ABL1: variants seen among roughly 807,000 people sequenced by gnomAD.
ABL1 encodes the protein ABL proto-oncogene 1, non-receptor tyrosine kinase, also known as tyrosine-protein kinase ABL1.
Under a neutral mutation model 94.7 loss-of-function variants are expected in ABL1, and 11 were observed. The observed-to-expected ratio is 0.12, with a 90% CI of 0.07 to 0.19. The LOEUF (loss-of-function observed/expected upper bound fraction) is 0.19, where lower values mean the gene tolerates loss of function less well. Among genes scored for constraint, ABL1 ranks in the 10% least tolerant of loss-of-function variants. ABL1 has a pLI of 1.00. For synonymous variants in ABL1, 656 were observed against 622.4 expected, an observed-to-expected ratio of 1.05 and a Z score of -0.80; for missense variants, 1,082 against 1,489.4, an observed-to-expected ratio of 0.73 and a Z score of 4.50.
At chr9:130,718,657 G>A (rs756424800) in intron 1 of ABL1, among the ~76,000 whole-genome samples, 16 of 152,120 alleles carry the variant, frequency 1.1e-4, no homozygotes, top group Non-Finnish European at 2.2e-4. Context: ...AAGGCAGGTG[G>A]ATTGCTTGAG....
intron 1 of ABL1, among the ~76,000 whole-genome samples, chr9:130,738,942 G>A (rs1465662134): frequency 6.6e-6 from 1 of 152,174 alleles, no homozygotes; most frequent in Non-Finnish European, 1.5e-5. Flanking sequence ...GAGTGCAGTG[G>A]TGCGATCTCG....
intron 1 of ABL1, among the ~76,000 whole-genome samples, chr9:130,852,073 C>T (rs886815721): frequency 7.2e-5 from 11 of 151,982 alleles, no homozygotes; most frequent in African/African-American, 1.5e-4. Flanking sequence ...GCCTCCACGC[C>T]GGGCCTCTCT....
At chr9:130,767,954 G>GA (rs113976748) in intron 1 of ABL1, among the ~76,000 whole-genome samples, 11,542 of 152,090 alleles carry the variant, frequency 0.076, 690 homozygotes, top group African/African-American at 0.17. Flanking sequence ...AAATTGCGAG[G>GA]AAAAAAATGA....
At chr9:130,841,578 G>A (rs1398906890) in intron 1 of ABL1, among the ~76,000 whole-genome samples, 3 of 151,786 alleles carry the variant, frequency 2.0e-5, no homozygotes, top group African/African-American at 4.8e-5. Flanking sequence ...TTGGGAGGCC[G>A]AGGCAGGTGG....
At chr9:130,878,034 C>T (rs1467546752) in intron 7 of ABL1, among the ~76,000 whole-genome samples, 1 of 151,998 alleles carries the variant, frequency 6.6e-6, no homozygotes. Context: ...AGGATGGTCT[C>T]AATCTCCTGA....
At position 130,873,049 on chromosome 9, in the gene ABL1, G is replaced by A. The variant is rs1160292119; in HGVS notation, c.1085+12G>A. ...AACTTCATCCACAGGTAGGGGCCTG[G>A]CCAGGCAGCCTGCGCCATGGAGTCA... On this transcript the variant is annotated intron_variant, in intron 6 of 10. Transcript: ENST00000318560. 1.2e-6 allele frequency: 2 copies of A among 1,610,256 alleles called. No homozygotes were observed. Among genetic ancestry groups the A allele is most frequent in the Non-Finnish European group, 8.5e-7 (1 of 1,177,720 alleles).
intron 4 of ABL1, among the ~76,000 whole-genome samples, chr9:130,866,463 TC>T (rs2132980319): frequency 6.6e-6 from 1 of 152,214 alleles, no homozygotes; most frequent in South Asian, 2.1e-4. Flanking sequence ...CAAGCGTCCT[TC>T]CCTCAGCCGA....
intron 7 of ABL1, among the ~76,000 whole-genome samples, chr9:130,877,838 G>T (rs74355066): frequency 2.5e-5 from 3 of 120,820 alleles, no homozygotes; most frequent in African/African-American, 1.1e-4. Context: ...ATGGAGTCTC[G>T]CTCTGTCACC....
At position 130,835,606 on chromosome 9, in the gene ABL1, C is replaced by A; in HGVS notation, c.79+81C>A. On this transcript the variant is annotated intron_variant, in intron 1 of 10. Transcript: ENST00000318560. This position sits in a 1 kb window ranked among gnomAD's most constrained non-coding sequence, Gnocchi z 4.6. ...TGGGCCCTTCCTAGGCCTCGCCGCC[C>A]GCGCGCTCCCGCCTGCGCCCTCCCC... 1 of 1,178,908 alleles carries A rather than the reference C, an allele frequency of 8.5e-7. No homozygotes were observed. The highest frequency in any genetic ancestry group is 1.2e-6 in the Non-Finnish European group (1 of 821,854). 73.0% of individuals were successfully genotyped at this position (1,178,908 alleles called of 1,614,324 possible).
chr9:130,826,994 C>T (rs1025840007), intron 1 of ABL1, among the ~76,000 whole-genome samples: 4 of 152,098 alleles, frequency 2.6e-5, no homozygotes, highest in Non-Finnish European at 2.9e-5. Context: ...AGGAGAATGG[C>T]GTGAACCCTG....
rs975882929 is a variant in ABL1 at position 130,880,421 on chromosome 9, G to T, written c.1514-79G>T. On this transcript the variant is annotated intron_variant, in intron 9 of 10. Coordinates refer to ENST00000318560, the MANE Select transcript of ABL1 (RefSeq NM_005157.6). The surrounding 1 kb of genome is among the most constrained non-coding windows in gnomAD (Gnocchi z 4.4). ...CAGATGAGCACTGTTACCTTACAAA[G>T]AAAGAGAACCACCACACCAAGCCAA... is the stretch of plus-strand genomic sequence containing the variant. 1.6e-5 allele frequency: 24 copies of T among 1,537,684 alleles called. No individual in the cohort carries two copies. The highest frequency in any genetic ancestry group is 3.5e-4 in the Middle Eastern group (2 of 5,744).
intron 1 of ABL1, among the ~76,000 whole-genome samples, chr9:130,845,820 A>G (rs1830759423): frequency 2.0e-5 from 3 of 151,996 alleles, no homozygotes; most frequent in Admixed American, 2.0e-4. Context: ...TAAATGCACC[A>G]TTGCATTCCA....
intron 1 of ABL1, among the ~76,000 whole-genome samples, chr9:130,747,081 AGGCTGGGCACCCCTGAGGGAGCAT>A (rs1326318786): frequency 5.3e-5 from 8 of 152,120 alleles, no homozygotes; most frequent in African/African-American, 1.9e-4. Flanking sequence ...AGTCTCCCTC[AGGCTGGGCACCCCTGAGGGAGCAT>A]GGCTCATGCC....
chr9:130,801,043 C>T (rs1014776819), intron 1 of ABL1, among the ~76,000 whole-genome samples: 7 of 151,458 alleles, frequency 4.6e-5, no homozygotes, highest in South Asian at 2.1e-4. Context: ...CAATTCTCAG[C>T]GTCAGCCTCC....
In ABL1 at chr9:130,886,690, A is replaced by T. The variant is rs1251085180; in HGVS notation, c.*1007A>T. The T allele has an allele frequency of 4.3e-6, 1 of 233,556 alleles. No individual in the cohort carries two copies. The highest frequency in any genetic ancestry group is 8.5e-6 in the Non-Finnish European group (1 of 118,052). The allele number at this position is 233,556 out of a possible 1,614,324, so 14.5% of individuals were successfully genotyped here. A position where few individuals can be genotyped will look rare whatever the true frequency, so the allele number is the denominator to read the frequency against. On this transcript the variant is annotated 3_prime_UTR_variant, in exon 11 of 11. Coordinates refer to ENST00000318560, the MANE Select transcript of ABL1 (RefSeq NM_005157.6). ...TTCCCCTCCCCCACTCCTCTAAGAC[A>T]AAGTAGATTCTTACAAGGCCCTTTC...
chr9:130,734,757 A>G (rs1317788493), intron 1 of ABL1, among the ~76,000 whole-genome samples: 2 of 150,592 alleles, frequency 1.3e-5, no homozygotes, highest in Admixed American at 1.3e-4. Context: ...CCTGGCCTCA[A>G]GTGATCTACC....
intron 1 of ABL1, among the ~76,000 whole-genome samples, chr9:130,821,356 C>A (rs1830360987): frequency 6.6e-6 from 1 of 152,152 alleles, no homozygotes; most frequent in Non-Finnish European, 1.5e-5. Flanking sequence ...TTTGTCTTTT[C>A]CGTACGTTTC....
At chr9:130,871,198 C>T (rs188512478) in intron 4 of ABL1, among the ~76,000 whole-genome samples, 1 of 152,336 alleles carries the variant, frequency 6.6e-6, no homozygotes. Context: ...TCATTTAACA[C>T]CCACCTGCTT....
chr9:130,765,774 C>T lies in ABL1; in HGVS notation c.136+51319C>T, dbSNP rs575972335. ...CCCTTTGCTGCTTTCTTCTTTATGC[C>T]ACAGATTTAATGCTTGAACACATAT... On this transcript the variant is annotated intron_variant, in intron 1 of 10. Coordinates refer to the ABL1 transcript ENST00000372348. Among the ~76,000 whole-genome samples, 104 of 152,128 alleles carry T rather than the reference C, an allele frequency of 6.8e-4. 2 individuals carry two copies. Among genetic ancestry groups the T allele is most frequent in the Admixed American group, 4.7e-3 (72 of 15,270 alleles).
Sources: gnomAD v4.1 joint callset for allele counts (sites outside exome capture counted in the v4.1 genomes callset) on GRCh38, gnomAD v4.1.1 for gene constraint, Gnocchi (gnomAD v3.1) non-coding constraint, MANE v1.5 for transcripts, NCBI Gene and HGNC (gene_info 2026-07-23, HGNC 2026-07-21) for gene names.